DNAJA3: variants seen among roughly 807,000 people sequenced by gnomAD.
DNAJA3 encodes the protein DnaJ heat shock protein family (Hsp40) member A3, also known as dnaJ homolog subfamily A member 3, mitochondrial.
DNAJA3 carries 29 observed loss-of-function variants against 54.9 expected under a neutral mutation model. The observed-to-expected ratio is 0.53, with a 90% confidence interval of 0.39 to 0.72. The LOEUF (loss-of-function observed/expected upper bound fraction) is 0.72, where lower values mean the gene tolerates loss of function less well. DNAJA3 is among the 30% of genes least tolerant of loss of function. The pLI, the probability that DNAJA3 is intolerant of heterozygous loss-of-function variation, is 0.00. For missense variants in DNAJA3, 708 were observed against 639.4 expected (o/e 1.11, Z -1.16); for synonymous variants, 302 against 251.4 (o/e 1.20, Z -1.90).
intron 8 of DNAJA3, among the ~76,000 whole-genome samples, chr16:4,448,516 G>GT: frequency 6.6e-6 from 1 of 150,890 alleles, no homozygotes; most frequent in Admixed American, 6.6e-5. Context: ...GCTGATTTTT[G>GT]TATTTTTAGT....
rs181511744 is a variant in DNAJA3, at chr16:4,455,881, G to A, written c.*349G>A. 1.3e-3 allele frequency: 656 copies of A among 496,458 alleles called. 1 individual carries two copies. The highest frequency in any genetic ancestry group is 6.9e-4 in the Non-Finnish European group (190 of 275,986). The allele number at this position is 496,458 out of a possible 1,614,324, so 30.8% of individuals were successfully genotyped here. On this transcript the variant is annotated 3_prime_UTR_variant, in exon 12 of 12. Coordinates refer to ENST00000262375, the MANE Select transcript of DNAJA3 (RefSeq NM_005147.6). ...AATATTGTGGATATCTTAGTTAAAG[G>A]CCATGCTTACAGCTTAGAAATGAAG...
In DNAJA3 at chr16:4,450,474, A is replaced by G. The variant is rs750709373; in HGVS notation, c.1316A>G (p.Asn439Ser). ...GAGACAGATGTGGAGGGGACGGTGA[A>G]CGGCGTCACCCTCACCAGCTCTGGT... ...EDETDVEGTV[N>S]GVTLTSSGGS... Residue 439 changes from asparagine to serine, a missense_variant, in exon 10 of 12, where the codon AAC becomes AGC. By Grantham distance (46) the Asn-to-Ser change is conservative. Coordinates refer to ENST00000262375, the MANE Select transcript of DNAJA3 (RefSeq NM_005147.6). 1.9e-6 allele frequency: 3 copies of G among 1,610,878 alleles called. No homozygotes were observed. In the East Asian group the frequency reaches 6.7e-5, roughly 36 times the overall value.
chr16:4,444,665 A>T lies in DNAJA3; in HGVS notation c.933A>T (p.Gly311=). Residue 311 remains glycine (G), a splice_region_variant and synonymous_variant, in exon 7 of 12, where the codon GGA becomes GGT. Coordinates refer to ENST00000262375, the MANE Select transcript of DNAJA3 (RefSeq NM_005147.6). ...CTCCCTTTCTAATGTCCCTTGTAGG[A>T]GTCGAGGATGGCCAGACCGTGAGGA... ...KKRVMIPVPA[G]VEDGQTVRMP... The T allele has an allele frequency of 6.2e-7, 1 of 1,613,966 alleles. No homozygotes were observed. Among genetic ancestry groups the T allele is most frequent in the Non-Finnish European group, 8.5e-7 (1 of 1,179,908 alleles).
At chr16:4,432,980 A>G (rs1404975667) in intron 1 of DNAJA3, among the ~76,000 whole-genome samples, 2 of 151,614 alleles carry the variant, frequency 1.3e-5, no homozygotes, top group Non-Finnish European at 2.9e-5. Flanking sequence ...TCTCTACTAA[A>G]AATATGAAAA....
intron 1 of DNAJA3, chr16:4,427,415 A>C (rs1596357268): frequency 6.6e-6 from 1 of 152,352 alleles, no homozygotes; most frequent in East Asian, 1.9e-4. Flanking sequence ...ATAGTTACAT[A>C]GTAGACAATC....
intron 1 of DNAJA3, chr16:4,430,413 G>C (rs2056682539): frequency 6.6e-6 from 1 of 151,334 alleles, no homozygotes; most frequent in Non-Finnish European, 1.5e-5. Context: ...AATAGAAAAA[G>C]TTGGTCAGGC....
At chr16:4,434,207 C>G (rs1266895178) in intron 1 of DNAJA3, 177 bp from the exon 2 acceptor site, 2 of 644,466 alleles carry the variant, frequency 3.1e-6, no homozygotes, top group Non-Finnish European at 2.6e-6. Context: ...CAGGTCCCTC[C>G]CATGACACGT....
chr16:4,445,489 A>G (rs1279106410), intron 7 of DNAJA3, among the ~76,000 whole-genome samples: 1 of 152,214 alleles, frequency 6.6e-6, no homozygotes, highest in African/African-American at 2.4e-5. Context: ...GATAAATGTT[A>G]AAGTCAGGGT....
At position 4,432,317 on chromosome 16, in the gene DNAJA3, C is replaced by G. The variant is rs117537551; in HGVS notation, c.212-2067C>G. Among the ~76,000 whole-genome samples, 206 of 143,548 alleles carry G rather than the reference C, an allele frequency of 1.4e-3. No homozygotes were observed. The East Asian group carries it at 0.031, about 21-fold the overall frequency. 94.2% of individuals were successfully genotyped at this position (143,548 alleles called of 152,430 possible). A position where few individuals can be genotyped will look rare whatever the true frequency, so the allele number is the denominator to read the frequency against. On this transcript the variant is annotated intron_variant, in intron 1 of 11. Coordinates refer to ENST00000262375, the MANE Select transcript of DNAJA3 (RefSeq NM_005147.6). ...GGATTACAGGCGAGAGCCACTGTGC[C>G]CAGGCTTATTTTTCTTTCTTTTTTT...
chr16:4,432,589 G>C (rs961841367), intron 1 of DNAJA3, among the ~76,000 whole-genome samples: 5 of 151,856 alleles, frequency 3.3e-5, no homozygotes, highest in Admixed American at 2.0e-4. Context: ...TGATCCGCCC[G>C]CCTTGGCCTC....
At chr16:4,450,561 A>T in intron 10 of DNAJA3, 64 bp downstream of exon 10, 2 of 1,275,560 alleles carry the variant, frequency 1.6e-6, no homozygotes, top group Non-Finnish European at 2.2e-6. Flanking sequence ...GGTATGGACA[A>T]TTCAGGGCAG....
chr16:4,445,225 T>G (rs1339257037), intron 7 of DNAJA3, among the ~76,000 whole-genome samples: 1 of 152,190 alleles, frequency 6.6e-6, no homozygotes, highest in African/African-American at 2.4e-5. Context: ...AGACACTGCC[T>G]TCCTCCAACA....
chr16:4,440,902 G>C, intron 3 of DNAJA3: 1 of 162,814 alleles, frequency 6.1e-6, no homozygotes, highest in Non-Finnish European at 1.4e-5. Context: ...AACCTGGGAG[G>C]TTGAGGCTGC....
intron 2 of DNAJA3, 76 bp from the exon 3 acceptor site, chr16:4,437,326 G>T (rs2056783424): frequency 8.1e-7 from 1 of 1,233,432 alleles, no homozygotes; most frequent in African/African-American, 1.5e-5. Context: ...GGGTTCTGTT[G>T]TATCGGGGGT....
At chr16:4,450,230 C>G in intron 9 of DNAJA3, 170 bp from the exon 10 acceptor site, 1 of 560,686 alleles carries the variant, frequency 1.8e-6, no homozygotes, top group Non-Finnish European at 3.2e-6. Flanking sequence ...TGTACAGAAG[C>G]TTTGAGGGCA....
rs71402537 is a variant in DNAJA3 at position 4,448,023 on chromosome 16, CT to C, written c.1126-686del. ...CACTGCGCCCAGCCCAGTGGCAGTTCTTTTTTTTTTTTTTTTTTTTTTTTGA... is the reference window on the plus strand; with the variant it reads ...CACTGCGCCCAGCCCAGTGGCAGTTCTTTTTTTTTTTTTTTTTTTTTTTGA... On this transcript the variant is annotated intron_variant, in intron 8 of 11. Transcript: ENST00000262375. The C allele has an allele frequency of 5.9e-4, 43 of 72,670 alleles. No individual in the cohort carries two copies. In the South Asian group the frequency reaches 6.3e-3, roughly 11 times the overall value. The allele number at this position is 72,670 out of a possible 1,614,324, so 4.5% of individuals were successfully genotyped here.
At chr16:4,428,415 C>G (rs1200821289) in intron 1 of DNAJA3, among the ~76,000 whole-genome samples, 1 of 152,160 alleles carries the variant, frequency 6.6e-6, no homozygotes, top group African/African-American at 2.4e-5. Context: ...TTAGAGCTTG[C>G]TAACATTTTC....
At chr16:4,442,712 T>G (rs999262418) in intron 5 of DNAJA3, 1 of 514,432 alleles carries the variant, frequency 1.9e-6, no homozygotes, top group Non-Finnish European at 3.4e-6. Context: ...CAAGGGGAAA[T>G]AATCTTTTTT....
At chr16:4,454,275 A>G (rs2057010324) in intron 10 of DNAJA3, among the ~76,000 whole-genome samples, 1 of 152,128 alleles carries the variant, frequency 6.6e-6, no homozygotes, top group Non-Finnish European at 1.5e-5. Context: ...TTTTCTTGGC[A>G]GTCATTATTT....
Sources: gnomAD v4.1 joint callset for allele counts (sites outside exome capture counted in the v4.1 genomes callset) on GRCh38, gnomAD v4.1.1 for gene constraint, MANE v1.5 for transcripts, NCBI Gene and HGNC (gene_info 2026-07-23, HGNC 2026-07-21) for gene names.